The following AHI1 variants were observed in gnomAD, a reference collection of about 807,000 sequenced individuals.
The protein encoded by AHI1 is jouberin.
Under a neutral mutation model 149.3 loss-of-function variants are expected in AHI1, and 123 were observed. The ratio of observed to expected loss-of-function variants is 0.82; its 90% CI spans 0.71 to 0.96. The LOEUF is 0.96. AHI1 is among the 40% of genes least tolerant of loss of function. The pLI, the probability that AHI1 is intolerant of heterozygous loss-of-function variation, is 0.00. For synonymous variants in AHI1, 475 were observed against 459.8 expected (o/e 1.03, Z -0.42); for missense variants, 1,439 against 1,422.7 (o/e 1.01, Z -0.18).
intron 8 of AHI1, among the ~76,000 whole-genome samples, chr6:135,462,793 C>G (rs896810711): frequency 6.6e-6 from 1 of 151,958 alleles, no homozygotes; most frequent in African/African-American, 2.4e-5. Flanking sequence ...CCCAGCTACT[C>G]AGGAGGCCGA....
intron 11 of AHI1, among the ~76,000 whole-genome samples, chr6:135,449,313 G>A (rs1787733855): frequency 1.3e-5 from 2 of 152,122 alleles, no homozygotes; most frequent in Admixed American, 6.5e-5. Context: ...GCCTCCCAAA[G>A]TGTTGGGATT....
chr6:135,331,970 G>A (rs540418631), intron 24 of AHI1, among the ~76,000 whole-genome samples: 13 of 152,140 alleles, frequency 8.5e-5, no homozygotes, highest in African/African-American at 2.6e-4. Context: ...TAATAGACAC[G>A]ATTTTTACTT....
chr6:135,461,550 A>G (rs1425489293), intron 8 of AHI1, among the ~76,000 whole-genome samples: 1 of 152,038 alleles, frequency 6.6e-6, no homozygotes, highest in Non-Finnish European at 1.5e-5. Flanking sequence ...TACATAATCT[A>G]TGACAGCAAT....
At chr6:135,453,575 T>C (rs1217277508) in intron 10 of AHI1, 139 bp from the exon 11 acceptor site, 3 of 658,536 alleles carry the variant, frequency 4.6e-6, no homozygotes, top group Non-Finnish European at 7.7e-6. Flanking sequence ...TTTTATCTCA[T>C]TTCATTCACC....
At chr6:135,380,010 TC>T (rs1358038665) in intron 23 of AHI1, among the ~76,000 whole-genome samples, 5 of 99,690 alleles carry the variant, frequency 5.0e-5, no homozygotes, top group African/African-American at 2.0e-4. Context: ...CCCCTCTTCC[TC>T]CCTCCTTCCT....
intron 13 of AHI1, among the ~76,000 whole-genome samples, chr6:135,444,498 T>C (rs766139224): frequency 1.3e-5 from 2 of 152,194 alleles, no homozygotes; most frequent in Admixed American, 6.5e-5. Flanking sequence ...TTTGCCTTCA[T>C]ATGAAATACC....
intron 23 of AHI1, among the ~76,000 whole-genome samples, chr6:135,372,784 C>T (rs1156515139): frequency 2.6e-5 from 4 of 152,166 alleles, no homozygotes; most frequent in Non-Finnish European, 2.9e-5. Context: ...GGTAACATTC[C>T]TAAGGTCATA....
At position 135,358,205 on chromosome 6, in the gene AHI1, TGTGA is replaced by T. The variant is rs71725890; in HGVS notation, c.3110-22_3110-19del. On this transcript the variant is annotated intron_variant, in intron 23 of 28. Transcript: ENST00000265602. ...GATAATCCCTGTGGAAAGAAAACAT[TGTGA>T]GTATTTGGTTATTAAGCCTGTCCAT... 8.4e-3 allele frequency: 13,497 copies of T among 1,607,222 alleles called. 837 individuals are homozygous for T. In the African/African-American group the frequency reaches 0.14, roughly 17 times the overall value.
intron 11 of AHI1, among the ~76,000 whole-genome samples, chr6:135,452,844 C>T (rs1788343305): frequency 6.6e-6 from 1 of 152,140 alleles, no homozygotes; most frequent in Non-Finnish European, 1.5e-5. Context: ...TTCTTCCCCA[C>T]CGGTGGCAAT....
At chr6:135,389,537 CAAAT>C (rs1029248509) in intron 23 of AHI1, among the ~76,000 whole-genome samples, 20 of 151,992 alleles carry the variant, frequency 1.3e-4, no homozygotes, top group Non-Finnish European at 2.9e-4. Context: ...ACGGAGAACA[CAAAT>C]AAAATTTGGA....
intron 12 of AHI1, 53 bp downstream of exon 12, chr6:135,448,237 C>T (rs1787542903): frequency 5.6e-6 from 7 of 1,249,154 alleles, no homozygotes; most frequent in Non-Finnish European, 7.5e-6. Context: ...TGCTATGTCA[C>T]CATTTAATTT....
chr6:135,395,885 A>G (rs1012379538), intron 22 of AHI1, among the ~76,000 whole-genome samples: 2 of 151,802 alleles, frequency 1.3e-5, no homozygotes, highest in African/African-American at 4.8e-5. Flanking sequence ...AATGAAAACC[A>G]TACAGAGGAC....
Position 135,497,714 on chromosome 6 carries a change from T to C in AHI1, c.-333A>G, listed in dbSNP as rs564464576. ...AGCCACCTAACCCGCCAGCGACCCGTGTCCTGAAAGCAAGCCGCGGCTCTG... is the reference window on the plus strand; with the variant it reads ...AGCCACCTAACCCGCCAGCGACCCGCGTCCTGAAAGCAAGCCGCGGCTCTG... On this transcript the variant is annotated 5_prime_UTR_variant, in exon 1 of 29. Transcript: ENST00000265602. 2.9e-5 allele frequency: 5 copies of C among 170,322 alleles called. No individual in the cohort carries two copies. Among genetic ancestry groups the C allele is most frequent in the South Asian group, 1.7e-4 (2 of 11,478 alleles). 10.6% of individuals were successfully genotyped at this position (170,322 alleles called of 1,614,324 possible). A position where few individuals can be genotyped will look rare whatever the true frequency, so the allele number is the denominator to read the frequency against.
intron 21 of AHI1, among the ~76,000 whole-genome samples, chr6:135,407,983 T>C (rs968701065): frequency 5.3e-5 from 8 of 151,580 alleles, no homozygotes; most frequent in African/African-American, 1.5e-4. Flanking sequence ...TGCAGTGAGC[T>C]GAGATCGTGC....
intron 2 of AHI1, among the ~76,000 whole-genome samples, chr6:135,496,538 C>A (rs756886336): frequency 4.5e-4 from 69 of 152,174 alleles, no homozygotes; most frequent in Non-Finnish European, 8.4e-4. Flanking sequence ...CTTATATATT[C>A]CATTATTTTA....
intron 24 of AHI1, among the ~76,000 whole-genome samples, chr6:135,332,155 C>T (rs1351945025): frequency 2.6e-5 from 4 of 151,728 alleles, no homozygotes; most frequent in African/African-American, 7.3e-5. Flanking sequence ...CTGCAACCTC[C>T]GTCTCCCGGG....
chr6:135,426,754 A>G (rs547515116), intron 20 of AHI1, among the ~76,000 whole-genome samples: 1 of 151,784 alleles, frequency 6.6e-6, no homozygotes, highest in East Asian at 1.9e-4. Context: ...AATTGCGGAC[A>G]CGAAAGACAT....
intron 23 of AHI1, among the ~76,000 whole-genome samples, chr6:135,359,328 T>C (rs1267377316): frequency 6.6e-6 from 1 of 152,200 alleles, no homozygotes; most frequent in East Asian, 1.9e-4. Context: ...AAGATGAATA[T>C]ATTACAGTTT....
At chr6:135,351,124 A>G (rs1792031388) in intron 24 of AHI1, among the ~76,000 whole-genome samples, 1 of 147,644 alleles carries the variant, frequency 6.8e-6, no homozygotes, top group South Asian at 2.1e-4. Context: ...ATACATAAAT[A>G]AAACAAAAAA....
Sources: gnomAD v4.1 joint callset for allele counts (sites outside exome capture counted in the v4.1 genomes callset) on GRCh38, gnomAD v4.1.1 for gene constraint, MANE v1.5 for transcripts, NCBI Gene and HGNC (gene_info 2026-07-23, HGNC 2026-07-21) for gene names.